Variants in ADGRF5 observed in about 807,000 individuals in gnomAD.
ADGRF5 encodes G-protein coupled receptor 116.
Under a neutral mutation model 132.3 loss-of-function variants are expected in ADGRF5, and 75 were observed. The observed-to-expected ratio is 0.57, with a 90% confidence interval of 0.47 to 0.69. ADGRF5 has a LOEUF of 0.69. ADGRF5 is among the 30% of genes least tolerant of loss of function. ADGRF5 has a pLI of 0.00. For missense variants in ADGRF5, 1,516 were observed against 1,630.6 expected, an observed-to-expected ratio of 0.93 and a Z score of 1.21; for synonymous variants, 629 against 597.6, an observed-to-expected ratio of 1.05 and a Z score of -0.77.
intron 1 of ADGRF5, among the ~76,000 whole-genome samples, chr6:46,952,603 A>G (rs536629038): frequency 1.5e-3 from 232 of 152,362 alleles, no homozygotes; most frequent in Admixed American, 3.6e-3. Flanking sequence ...AGAGTGTGGG[A>G]AAATGCTATA....
chr6:46,902,352 G>A (rs1048465886), intron 2 of ADGRF5, among the ~76,000 whole-genome samples: 2 of 152,176 alleles, frequency 1.3e-5, no homozygotes, highest in East Asian at 3.8e-4. Flanking sequence ...GACCGCCAAT[G>A]GTCACCTTTG....
At chr6:46,954,554 C>T (rs374476836) in intron 1 of ADGRF5, among the ~76,000 whole-genome samples, 5 of 152,094 alleles carry the variant, frequency 3.3e-5, no homozygotes, top group Non-Finnish European at 4.4e-5. Context: ...TTGAAAAATC[C>T]ATATGTCATA....
intron 1 of ADGRF5, among the ~76,000 whole-genome samples, chr6:46,912,488 T>C (rs961915117): frequency 6.6e-6 from 1 of 151,530 alleles, no homozygotes; most frequent in South Asian, 2.1e-4. Context: ...AGGTGAAGGG[T>C]ACGAGGCAGA....
At chr6:46,942,313 T>G (rs1193923975) in intron 1 of ADGRF5, among the ~76,000 whole-genome samples, 2 of 152,222 alleles carry the variant, frequency 1.3e-5, no homozygotes, top group Non-Finnish European at 2.9e-5. Flanking sequence ...TGTCTAGCAC[T>G]TAGCGCAGTA....
intron 1 of ADGRF5, among the ~76,000 whole-genome samples, chr6:46,920,197 AG>A (rs976574030): frequency 2.0e-5 from 3 of 152,148 alleles, no homozygotes; most frequent in African/African-American, 7.2e-5. Flanking sequence ...TCAAGGGAAA[AG>A]CCCAAACCAC....
Position 46,859,301 on chromosome 6 carries a change from G to C in ADGRF5, c.2602C>G (p.Gln868Glu), listed in dbSNP as rs764654849. ...TCAAAGTATGGGAAAACAAACCTCTGTTGATAGGTTTCTGGGTGGCTGGAC... is the reference window on the plus strand; with the variant it reads ...TCAAAGTATGGGAAAACAAACCTCTCTTGATAGGTTTCTGGGTGGCTGGAC... ...IKSSHPETYQ[Q>E]RFVFPYFDLW... The change falls in exon 17 of 21, where the codon CAG becomes GAG. Residue 868 changes from glutamine to glutamate, a missense_variant. Gln to Glu is a conservative substitution (Grantham distance 29). Around this residue, in one of 2 missense-constraint regions of ADGRF5, gnomAD observed 571 missense variants for 701.2 expected, o/e 0.81. Transcript: ENST00000283296. 6.2e-7 allele frequency: 1 copy of C among 1,613,374 alleles called. No individual in the cohort carries two copies. The highest frequency in any genetic ancestry group is 8.5e-7 in the Non-Finnish European group (1 of 1,179,346).
At chr6:46,860,626 C>A in intron 16 of ADGRF5, 89 bp downstream of exon 16, 1 of 885,678 alleles carries the variant, frequency 1.1e-6, no homozygotes. Flanking sequence ...AGAGAAGCTG[C>A]AATGGGGAGG....
At chr6:46,868,130 C>T (rs1008043438) in intron 12 of ADGRF5, among the ~76,000 whole-genome samples, 2 of 152,176 alleles carry the variant, frequency 1.3e-5, no homozygotes, top group African/African-American at 2.4e-5. Context: ...TGATTAATCT[C>T]ATAGTTAATG....
chr6:46,872,833 C>T (rs569208976), intron 10 of ADGRF5, among the ~76,000 whole-genome samples: 6 of 152,202 alleles, frequency 3.9e-5, no homozygotes, highest in East Asian at 1.9e-4. Flanking sequence ...ATCAATCTTC[C>T]GAAAATGAAG....
intron 2 of ADGRF5, among the ~76,000 whole-genome samples, chr6:46,903,007 C>T (rs1248754605): frequency 6.6e-6 from 1 of 152,156 alleles, no homozygotes; most frequent in Non-Finnish European, 1.5e-5. Context: ...CTGTTTCTTA[C>T]ATTATGAAAA....
At chr6:46,901,903 T>A (rs1008286798) in intron 2 of ADGRF5, among the ~76,000 whole-genome samples, 1 of 152,038 alleles carries the variant, frequency 6.6e-6, no homozygotes, top group Non-Finnish European at 1.5e-5. Flanking sequence ...AATTTACCAC[T>A]CCATGTAAGG....
chr6:46,869,327 A>G (rs1488621072), intron 11 of ADGRF5: 2 of 985,168 alleles, frequency 2.0e-6, no homozygotes, highest in Non-Finnish European at 2.4e-6. Flanking sequence ...CACATGCCTT[A>G]GGACCTCGTG....
chr6:46,936,223 C>G (rs1049005386), intron 1 of ADGRF5, among the ~76,000 whole-genome samples: 2 of 152,192 alleles, frequency 1.3e-5, no homozygotes, highest in African/African-American at 4.8e-5. Flanking sequence ...AGAGCTGCCC[C>G]ATGCCCAAGG....
chr6:46,932,377 A>G (rs1306549554), intron 1 of ADGRF5, among the ~76,000 whole-genome samples: 1 of 152,226 alleles, frequency 6.6e-6, no homozygotes, highest in Non-Finnish European at 1.5e-5. Context: ...AAGTAATTAA[A>G]TCAAGGACAG....
At chr6:46,934,306 A>T (rs1777714759) in intron 1 of ADGRF5, among the ~76,000 whole-genome samples, 1 of 152,238 alleles carries the variant, frequency 6.6e-6, no homozygotes, top group African/African-American at 2.4e-5. Flanking sequence ...TGGACCATGG[A>T]GATATCTAGC....
At chr6:46,907,652 A>C (rs924753054) in intron 1 of ADGRF5, among the ~76,000 whole-genome samples, 2 of 152,166 alleles carry the variant, frequency 1.3e-5, no homozygotes, top group Non-Finnish European at 2.9e-5. Flanking sequence ...CTAGGGACCA[A>C]GACAATCTAC....
At chr6:46,857,372 C>T (rs747089993) in intron 17 of ADGRF5, among the ~76,000 whole-genome samples, 43 of 152,182 alleles carry the variant, frequency 2.8e-4, no homozygotes, top group Non-Finnish European at 4.6e-4. Context: ...AGCAGTATCT[C>T]GAGTGTGCCT....
intron 13 of ADGRF5, among the ~76,000 whole-genome samples, 189 bp downstream of exon 13, chr6:46,866,736 T>G (rs586986): frequency 0.83 from 126,787 of 151,906 alleles, 54,768 homozygotes; most frequent in East Asian, 0.99. Context: ...CTCCCAAGAT[T>G]GTACCATAAA....
At chr6:46,928,384 G>T (rs576641181) in intron 1 of ADGRF5, among the ~76,000 whole-genome samples, 1 of 152,220 alleles carries the variant, frequency 6.6e-6, no homozygotes, top group African/African-American at 2.4e-5. Context: ...TAAAGTTTGG[G>T]GGTAAAGGAG....
Sources: allele counts gnomAD v4.1 joint callset (sites outside exome capture counted in the v4.1 genomes callset), GRCh38; gene constraint gnomAD v4.1.1; regional missense constraint gnomAD v4.1.1; transcripts MANE v1.5; gene names NCBI Gene and HGNC (gene_info 2026-07-23, HGNC 2026-07-21).